MAP3K5: variants seen among roughly 807,000 people sequenced by gnomAD.
MAP3K5 encodes the protein ASK-1.
Under a neutral mutation model 158.7 loss-of-function variants are expected in MAP3K5, and 56 were observed. That is an observed-to-expected ratio of 0.35 (90% CI 0.28 to 0.44). The LOEUF (loss-of-function observed/expected upper bound fraction) is 0.44, where lower values mean the gene tolerates loss of function less well. MAP3K5 is among the 20% of genes least tolerant of loss of function. The probability of loss-of-function intolerance (pLI) is 1.00; values close to 1 mark genes in which losing one functional copy is unlikely to be tolerated. For synonymous variants in MAP3K5, 579 were observed against 601.7 expected, an observed-to-expected ratio of 0.96 and a Z score of 0.55; for missense variants, 1,294 against 1,674.8, an observed-to-expected ratio of 0.77 and a Z score of 3.97.
chr6:136,616,524 C>T (rs763416892), intron 15 of MAP3K5, among the ~76,000 whole-genome samples: 5 of 151,878 alleles, frequency 3.3e-5, no homozygotes, highest in Non-Finnish European at 7.4e-5. Flanking sequence ...AGGCTAGTCT[C>T]GAACTCCTGA....
At chr6:136,605,131 A>G in intron 19 of MAP3K5, 78 bp downstream of exon 19, 8 of 1,431,980 alleles carry the variant, frequency 5.6e-6, no homozygotes, top group African/African-American at 1.4e-5. Flanking sequence ...ATCTAAAAAA[A>G]TATGACACAC....
chr6:136,563,139 G>C (rs940392080), intron 26 of MAP3K5, among the ~76,000 whole-genome samples: 16 of 152,068 alleles, frequency 1.1e-4, no homozygotes, highest in Non-Finnish European at 1.9e-4. Flanking sequence ...CAGACCCTCA[G>C]GTCCAGAAGC....
intron 25 of MAP3K5, among the ~76,000 whole-genome samples, chr6:136,577,445 T>A (rs1774669198): frequency 6.6e-6 from 1 of 152,252 alleles, no homozygotes; most frequent in South Asian, 2.1e-4. Flanking sequence ...TTTCAAACAG[T>A]AACTTCAGTT....
intron 7 of MAP3K5, among the ~76,000 whole-genome samples, chr6:136,670,748 G>C (rs1779447950): frequency 6.6e-6 from 1 of 151,922 alleles, no homozygotes; most frequent in Non-Finnish European, 1.5e-5. Flanking sequence ...TAAATGTCTT[G>C]CTCTTTAATT....
chr6:136,702,774 C>T (rs995358819), intron 3 of MAP3K5, among the ~76,000 whole-genome samples: 2 of 152,214 alleles, frequency 1.3e-5, no homozygotes, highest in East Asian at 3.8e-4. Flanking sequence ...CGGCTCACTG[C>T]AGCCTCTGCC....
intron 23 of MAP3K5, among the ~76,000 whole-genome samples, chr6:136,589,906 T>C (rs1317405913): frequency 6.6e-6 from 1 of 152,170 alleles, no homozygotes; most frequent in Admixed American, 6.5e-5. Context: ...TTTGTTATGG[T>C]TGCTTGCCCT....
intron 2 of MAP3K5, among the ~76,000 whole-genome samples, chr6:136,710,216 G>A (rs1781251297): frequency 6.6e-6 from 1 of 152,030 alleles, no homozygotes. Flanking sequence ...GGAAGGAAAG[G>A]GAATAAATTT....
intron 23 of MAP3K5, among the ~76,000 whole-genome samples, chr6:136,585,887 A>C (rs1775118068): frequency 6.6e-6 from 1 of 152,236 alleles, no homozygotes; most frequent in African/African-American, 2.4e-5. Flanking sequence ...AAGAAACTTT[A>C]AGAAACTATT....
rs200528641 is a variant in MAP3K5 at position 136,637,367 on chromosome 6, C to A, written c.1974G>T (p.Gly658=). 26 of 1,612,530 alleles carry A rather than the reference C, an allele frequency of 1.6e-5. No individual in the cohort carries two copies. The highest frequency in any genetic ancestry group is 2.2e-5 in the Non-Finnish European group (26 of 1,178,678). The part of the protein sequence containing the change: ...EMVNTITEEK[G]RSTEEGDCES... ...CACAGTCTCCTTCCTCTGTGCTTCT[C>A]CCCTTCTCTTCGGTAATGGTGTTCA... The change falls in exon 14 of 30, where the codon GGG becomes GGT. Residue 658 remains glycine, a synonymous_variant. Transcript: ENST00000359015.
At chr6:136,781,446 C>A (rs1015701678) in intron 1 of MAP3K5, among the ~76,000 whole-genome samples, 3 of 152,190 alleles carry the variant, frequency 2.0e-5, no homozygotes, top group Non-Finnish European at 4.4e-5. Context: ...AATATTAGAA[C>A]TGATCCTCTT....
intron 21 of MAP3K5, among the ~76,000 whole-genome samples, chr6:136,599,424 C>T (rs1775781484): frequency 6.6e-6 from 1 of 152,148 alleles, no homozygotes; most frequent in Non-Finnish European, 1.5e-5. Context: ...ATCTCACGCT[C>T]ACCCCAAGGT....
chr6:136,753,026 C>T (rs1028125736), intron 1 of MAP3K5, among the ~76,000 whole-genome samples: 11 of 152,140 alleles, frequency 7.2e-5, no homozygotes, highest in African/African-American at 2.7e-4. Flanking sequence ...ATTTATAATC[C>T]CTAGCTCTAG....
intron 1 of MAP3K5, among the ~76,000 whole-genome samples, chr6:136,741,469 T>C (rs1285745244): frequency 5.3e-5 from 8 of 151,564 alleles, no homozygotes; most frequent in Admixed American, 5.3e-4. Flanking sequence ...GTTGATAATT[T>C]GCAGTCAAAT....
chr6:136,634,749 T>C (rs145462677), intron 14 of MAP3K5, among the ~76,000 whole-genome samples: 1 of 151,286 alleles, frequency 6.6e-6, no homozygotes, highest in African/African-American at 2.4e-5. Flanking sequence ...TCAGCTAAAG[T>C]AGAGACAGGG....
rs548045435 is a variant in MAP3K5 at position 136,713,109 on chromosome 6, T to G, written c.588+7341A>C. On this transcript the variant is annotated intron_variant, in intron 2 of 29. Coordinates refer to ENST00000359015, the MANE Select transcript of MAP3K5 (RefSeq NM_005923.4). ...GGTTACAATGCCAAAAAGATCAACT[T>G]CCACAGAAAGAGTCATTTATATAGC... Among the ~76,000 whole-genome samples the G allele has an allele frequency of 3.3e-5, 5 of 152,268 alleles. No individual in the cohort carries two copies. The East Asian group carries it at 9.6e-4, about 29-fold the overall frequency.
intron 25 of MAP3K5, among the ~76,000 whole-genome samples, chr6:136,569,847 C>A (rs1457207054): frequency 6.6e-6 from 1 of 152,082 alleles, no homozygotes; most frequent in Admixed American, 6.6e-5. Flanking sequence ...GTAATTAAAT[C>A]CTTAAACTTG....
chr6:136,639,182 C>G (rs771815092), intron 13 of MAP3K5, among the ~76,000 whole-genome samples: 6 of 151,968 alleles, frequency 3.9e-5, no homozygotes, highest in Non-Finnish European at 7.4e-5. Flanking sequence ...TAAAGAGGTA[C>G]TATTGTAGAT....
At chr6:136,749,588 G>A (rs1373039989) in intron 1 of MAP3K5, among the ~76,000 whole-genome samples, 2 of 151,878 alleles carry the variant, frequency 1.3e-5, no homozygotes, top group African/African-American at 4.8e-5. Context: ...TCTCAAAAGG[G>A]AGGGCTCAAA....
At chr6:136,615,864 T>C (rs1776539850) in intron 15 of MAP3K5, among the ~76,000 whole-genome samples, 2 of 152,212 alleles carry the variant, frequency 1.3e-5, no homozygotes, top group African/African-American at 4.8e-5. Flanking sequence ...CACTGACAAA[T>C]CCATTGGTTA....
Sources: gnomAD v4.1 joint callset for allele counts (sites outside exome capture counted in the v4.1 genomes callset) on GRCh38, gnomAD v4.1.1 for gene constraint, MANE v1.5 for transcripts, NCBI Gene and HGNC (gene_info 2026-07-23, HGNC 2026-07-21) for gene names.